PCDHGA4: variants seen among roughly 807,000 people sequenced by gnomAD.
PCDHGA4 encodes the protein protocadherin gamma subfamily A, 4.
In PCDHGA4, 38 loss-of-function variants were observed where a neutral mutation model predicts 54.6. The ratio of observed to expected loss-of-function variants is 0.70; its 90% CI spans 0.54 to 0.91. The LOEUF is 0.91. Ranked by LOEUF, PCDHGA4 falls within the 40% of genes least tolerant of loss-of-function variation. The probability of loss-of-function intolerance (pLI) is 0.00; values close to 1 mark genes in which losing one functional copy is unlikely to be tolerated. For synonymous variants in PCDHGA4, 511 were observed against 512.9 expected, an observed-to-expected ratio of 1.00 and a Z score of 0.05; for missense variants, 1,298 against 1,220.9, an observed-to-expected ratio of 1.06 and a Z score of -0.94.
At chr5:141,444,329 G>A (rs536314842) in intron 1 of PCDHGA4, among the ~76,000 whole-genome samples, 17 of 151,674 alleles carry the variant, frequency 1.1e-4, no homozygotes, top group Admixed American at 1.1e-3. Flanking sequence ...GTGCCACCAC[G>A]CCCAGCTAAT....
chr5:141,388,778 A>G, intron 1 of PCDHGA4: 1 of 1,613,944 alleles, frequency 6.2e-7, no homozygotes, highest in Non-Finnish European at 8.5e-7. Flanking sequence ...ACACCGGGGA[A>G]ATTACTGTTT....
chr5:141,395,181 T>C (rs758854683), intron 1 of PCDHGA4: 3 of 1,614,030 alleles, frequency 1.9e-6, no homozygotes, highest in Non-Finnish European at 2.5e-6. Context: ...GAAAAATGAT[T>C]CTTTGTTAAC....
intron 1 of PCDHGA4, chr5:141,375,644 G>C: frequency 6.2e-7 from 1 of 1,614,180 alleles, no homozygotes; most frequent in Non-Finnish European, 8.5e-7. Flanking sequence ...GCGCTCCTTC[G>C]ACTATGAGCA....
At chr5:141,480,698 C>T (rs1394538159) in intron 1 of PCDHGA4, among the ~76,000 whole-genome samples, 1 of 152,198 alleles carries the variant, frequency 6.6e-6, no homozygotes, top group Admixed American at 6.5e-5. Context: ...ACCCAGGCCA[C>T]ACCCCGACAA....
chr5:141,409,715 G>C (rs2095305446), intron 1 of PCDHGA4: 9 of 1,613,084 alleles, frequency 5.6e-6, no homozygotes, highest in Admixed American at 1.7e-5. Flanking sequence ...GTCGTCATAC[G>C]TGTCAGTGAG....
chr5:141,442,981 C>T (rs2098357132), intron 1 of PCDHGA4, among the ~76,000 whole-genome samples: 1 of 152,142 alleles, frequency 6.6e-6, no homozygotes, highest in African/African-American at 2.4e-5. Flanking sequence ...ATAAAGTTAG[C>T]CTATAATTTC....
In PCDHGA4 at chr5:141,375,018, C is replaced by A; in HGVS notation, c.2514+17397C>A. 1.9e-6 allele frequency: 3 copies of A among 1,613,982 alleles called. No individual in the cohort carries two copies. The South Asian group carries it at 3.3e-5, about 18-fold the overall frequency. ...TCTGCAAATCTAGACTATGAGGACTCGAGTTTTTATGAGCTGGGTGTTGAA... is the reference window on the plus strand; with the variant it reads ...TCTGCAAATCTAGACTATGAGGACTAGAGTTTTTATGAGCTGGGTGTTGAA... On this transcript the variant is annotated intron_variant, in intron 1 of 3. Transcript: ENST00000571252.
intron 1 of PCDHGA4, among the ~76,000 whole-genome samples, chr5:141,439,459 A>C (rs558086952): frequency 6.6e-6 from 1 of 152,222 alleles, no homozygotes. Flanking sequence ...GCAAGACTGC[A>C]CTGCTGCCTT....
chr5:141,410,184 A>AT, intron 1 of PCDHGA4: 1 of 1,613,918 alleles, frequency 6.2e-7, no homozygotes, highest in Non-Finnish European at 8.5e-7. Context: ...GCCACGCTTC[A>AT]TCTGGTCTTC....
In PCDHGA4 at chr5:141,394,778, C is replaced by T. The variant is rs377451053; in HGVS notation, c.2514+37157C>T. ...AGGACCATGGCCAGCCCCCTCTCTC[C>T]GCCACTGTCACGCTCACCGTAGCCG... On this transcript the variant is annotated intron_variant, in intron 1 of 3. Transcript: ENST00000571252. 8 of 1,613,514 alleles carry T rather than the reference C, an allele frequency of 5.0e-6. No individual in the cohort carries two copies. In the South Asian group the frequency reaches 7.7e-5, roughly 15 times the overall value.
At position 141,432,646 on chromosome 5, in the gene PCDHGA4, G is replaced by A. The variant is rs780822589; in HGVS notation, c.2515-62161G>A. 9.3e-6 allele frequency: 15 copies of A among 1,613,690 alleles called. No individual in the cohort carries two copies. The highest frequency in any genetic ancestry group is 1.3e-5 in the Non-Finnish European group (15 of 1,179,944). ...TGCACACGGGCGAGGTGCGCACGGCGCGAGCCCTGCTGGACAGAGACGCGC... is the reference window on the plus strand; with the variant it reads ...TGCACACGGGCGAGGTGCGCACGGCACGAGCCCTGCTGGACAGAGACGCGC... On this transcript the variant is annotated intron_variant, in intron 1 of 3. Transcript: ENST00000571252. This position sits in a 1 kb window ranked among gnomAD's most constrained non-coding sequence, Gnocchi z 6.0.
At position 141,389,423 on chromosome 5, in the gene PCDHGA4, C is replaced by G. The variant is rs779826135; in HGVS notation, c.2514+31802C>G. 11 of 1,613,516 alleles carry G rather than the reference C, an allele frequency of 6.8e-6. No individual in the cohort carries two copies. The highest frequency in any genetic ancestry group is 9.3e-6 in the Non-Finnish European group (11 of 1,179,902). ...TAAGCGCGGAGAGCGGGGTGGTGTT[C>G]GCGCAGCGCGCCTTCGACCACGAGC... On this transcript the variant is annotated intron_variant, in intron 1 of 3. Coordinates refer to ENST00000571252, the MANE Select transcript of PCDHGA4 (RefSeq NM_018917.4).
intron 1 of PCDHGA4, chr5:141,389,474 G>A (rs1476860129): frequency 1.2e-6 from 2 of 1,613,168 alleles, no homozygotes; most frequent in East Asian, 2.2e-5. Flanking sequence ...AACTCACACT[G>A]CAGGCCCGCG....
At chr5:141,395,029 A>G (rs1589250627) in intron 1 of PCDHGA4, 1 of 1,613,976 alleles carries the variant, frequency 6.2e-7, no homozygotes, top group Non-Finnish European at 8.5e-7. Context: ...CCTGCCTCAC[A>G]TTTTGTGGGT....
At chr5:141,449,538 G>A (rs1445815017) in intron 1 of PCDHGA4, among the ~76,000 whole-genome samples, 15 of 145,960 alleles carry the variant, frequency 1.0e-4, no homozygotes, top group East Asian at 4.0e-4. Flanking sequence ...GCAGTGAGCC[G>A]AGATCGCACC....
At chr5:141,397,858 C>G in intron 1 of PCDHGA4, 2 of 559,034 alleles carry the variant, frequency 3.6e-6, no homozygotes, top group South Asian at 2.6e-5. Context: ...GCTGTAGTTT[C>G]CTAGTGCTGA....
Position 141,356,230 on chromosome 5 carries a change from G to T in PCDHGA4, c.1123G>T (p.Ala375Ser). The T allele has an allele frequency of 6.3e-7, 1 of 1,592,426 alleles. No individual in the cohort carries two copies. The highest frequency in any genetic ancestry group is 8.6e-7 in the Non-Finnish European group (1 of 1,168,808). The change falls in exon 1 of 4, where the codon GCA becomes TCA. Residue 375 changes from alanine to serine, a missense_variant. By Grantham distance (99) the Ala-to-Ser change is moderately conservative (BLOSUM62 1). Coordinates refer to ENST00000571252, the MANE Select transcript of PCDHGA4 (RefSeq NM_018917.4). ...LVTVLDENDN[A>S]PEVTVTSLTS... The stretch of plus-strand genomic sequence containing the variant: ...GACAGTTCTGGATGAAAATGACAAC[G>T]CACCAGAAGTCACAGTTACATCTCT...
At position 141,355,848 on chromosome 5, in the gene PCDHGA4, T is replaced by C. The variant is rs1760013605; in HGVS notation, c.741T>C (p.Asp247=). ...ACCACCTCGTTCTCACGGCCTTCGA[T>C]GGAGGTGACCCGGTTCGCTCTGGCA... is the stretch of plus-strand genomic sequence containing the variant. The part of the protein sequence containing the change: ...AVHHLVLTAF[D]GGDPVRSGTA... Residue 247 remains aspartate (D), a synonymous_variant, in exon 1 of 4, where the codon GAT becomes GAC. Coordinates refer to ENST00000571252, the MANE Select transcript of PCDHGA4 (RefSeq NM_018917.4). 6.2e-7 allele frequency: 1 copy of C among 1,612,486 alleles called. No homozygotes were observed. The highest frequency in any genetic ancestry group is 8.5e-7 in the Non-Finnish European group (1 of 1,179,184).
intron 1 of PCDHGA4, among the ~76,000 whole-genome samples, chr5:141,406,607 C>T (rs1289606470): frequency 6.6e-6 from 1 of 152,202 alleles, no homozygotes; most frequent in Non-Finnish European, 1.5e-5. Flanking sequence ...AAAGTTGTCA[C>T]ATCTTTTATT....
Sources: allele counts gnomAD v4.1 joint callset (sites outside exome capture counted in the v4.1 genomes callset), GRCh38; gene constraint gnomAD v4.1.1; non-coding constraint Gnocchi (gnomAD v3.1); transcripts MANE v1.5; gene names NCBI Gene and HGNC (gene_info 2026-07-23, HGNC 2026-07-21).